Variants in AKAP19 observed in about 807,000 individuals in gnomAD.
AKAP19 encodes the protein A-kinase anchoring protein 19, also known as small A-kinase anchoring protein.
chr2:189,944,146 A>G, the AKAP19 span, among the ~76,000 whole-genome samples: 7 of 152,106 alleles, frequency 4.6e-5, no homozygotes, highest in African/African-American at 1.2e-4. Flanking sequence ...TATAGTTTAG[A>G]TATTTGTCCA....
the AKAP19 span, among the ~76,000 whole-genome samples, chr2:189,988,837 A>C: frequency 2.6e-5 from 4 of 152,166 alleles, no homozygotes; most frequent in African/African-American, 9.7e-5. Flanking sequence ...ATTTCTCTCT[A>C]TTGGACAGAA....
chr2:190,141,546 G>C, the AKAP19 span, among the ~76,000 whole-genome samples: 1 of 152,154 alleles, frequency 6.6e-6, no homozygotes, highest in African/African-American at 2.4e-5. Flanking sequence ...GCTGAGCAAA[G>C]AGGGAAAAGC....
chr2:189,890,883 G>A, the AKAP19 span, among the ~76,000 whole-genome samples: 1 of 152,126 alleles, frequency 6.6e-6, no homozygotes, highest in African/African-American at 2.4e-5. Flanking sequence ...TTGCCAATCT[G>A]TGTCTTTTAA....
the AKAP19 span, among the ~76,000 whole-genome samples, chr2:189,994,523 AT>A: frequency 6.6e-6 from 1 of 151,938 alleles, no homozygotes; most frequent in African/African-American, 2.4e-5. Context: ...GTTCAAAAGA[AT>A]TTTTTAACTT....
the AKAP19 span, chr2:190,089,738 G>C: frequency 1.3e-5 from 2 of 152,128 alleles, no homozygotes; most frequent in Non-Finnish European, 2.9e-5. Flanking sequence ...TCAGCAAAGT[G>C]TTACTCCCGA....
At chr2:190,098,621 G>A in the AKAP19 span, among the ~76,000 whole-genome samples, 1 of 152,124 alleles carries the variant, frequency 6.6e-6, no homozygotes, top group South Asian at 2.1e-4. Flanking sequence ...TCAACTTAAA[G>A]TCATCAGCTG....
the AKAP19 span, chr2:190,062,864 A>G: frequency 2.5e-6 from 1 of 396,726 alleles, no homozygotes; most frequent in East Asian, 4.5e-5. Context: ...CAAGTCACCA[A>G]GCAGTATTTT....
the AKAP19 span, among the ~76,000 whole-genome samples, chr2:190,024,302 GTA>G: frequency 1.8e-4 from 27 of 147,478 alleles, no homozygotes; most frequent in African/African-American, 2.7e-4. Context: ...TGCAGAACCA[GTA>G]TATATATATA....
chr2:189,950,334 G>GTTTTTTTTTTTTTTTTTTTT, the AKAP19 span, among the ~76,000 whole-genome samples: 2 of 137,544 alleles, frequency 1.5e-5, no homozygotes, highest in Non-Finnish European at 1.5e-5. Flanking sequence ...AGCCTTTTTT[G>GTTTTTTTTTTTTTTTTTTTT]TTTTTTTTTT....
chr2:190,114,382 T>G, the AKAP19 span, among the ~76,000 whole-genome samples: 1 of 152,258 alleles, frequency 6.6e-6, no homozygotes, highest in African/African-American at 2.4e-5. Flanking sequence ...GGATGTATAA[T>G]ACATTTTCTG....
At chr2:190,010,141 A>G in the AKAP19 span, among the ~76,000 whole-genome samples, 1 of 152,246 alleles carries the variant, frequency 6.6e-6, no homozygotes, top group Non-Finnish European at 1.5e-5. Context: ...GATAGGAAAG[A>G]CAAGGGAGTA....
At chr2:190,131,447 A>C in the AKAP19 span, among the ~76,000 whole-genome samples, 1 of 152,282 alleles carries the variant, frequency 6.6e-6, no homozygotes, top group East Asian at 1.9e-4. Flanking sequence ...TGGAGGTTGA[A>C]GTGGCTTGAG....
the AKAP19 span, among the ~76,000 whole-genome samples, chr2:190,118,292 G>A: frequency 6.6e-6 from 1 of 152,170 alleles, no homozygotes; most frequent in Non-Finnish European, 1.5e-5. Flanking sequence ...AGAGGTACAA[G>A]GAGGAGCTGG....
the AKAP19 span, among the ~76,000 whole-genome samples, chr2:190,097,224 C>A: frequency 2.0e-5 from 3 of 152,126 alleles, no homozygotes; most frequent in Admixed American, 6.5e-5. Context: ...TCTCCCTCCC[C>A]CTAACCCCTA....
At chr2:189,966,358 C>T in the AKAP19 span, among the ~76,000 whole-genome samples, 8 of 151,998 alleles carry the variant, frequency 5.3e-5, no homozygotes, top group South Asian at 2.1e-4. Flanking sequence ...CAATTAGTGC[C>T]GATAGACTTG....
At chr2:190,084,894 C>A in the AKAP19 span, among the ~76,000 whole-genome samples, 4 of 152,318 alleles carry the variant, frequency 2.6e-5, no homozygotes, top group African/African-American at 9.6e-5. Flanking sequence ...CCTCTGGTGG[C>A]CTCCTGTTGG....
chr2:189,951,892 A>G, the AKAP19 span, among the ~76,000 whole-genome samples: 2 of 152,218 alleles, frequency 1.3e-5, no homozygotes, highest in African/African-American at 4.8e-5. Flanking sequence ...CAGGTTATAA[A>G]ATTTCCCATG....
the AKAP19 span, among the ~76,000 whole-genome samples, chr2:190,176,390 C>T: frequency 9.2e-5 from 14 of 152,140 alleles, no homozygotes; most frequent in East Asian, 9.6e-4. The surrounding 1 kb of genome is among the most constrained non-coding windows in gnomAD (Gnocchi z 4.7). Context: ...CACTGTCACC[C>T]GGGCTGGAGT....
chr2:190,010,414 T>C, the AKAP19 span, among the ~76,000 whole-genome samples: 506 of 152,264 alleles, frequency 3.3e-3, 12 homozygotes, highest in Non-Finnish European at 1.2e-3. Flanking sequence ...TAGTCATCAA[T>C]GGGAGCAGAA....
Sources: allele counts gnomAD v4.1 joint callset (sites outside exome capture counted in the v4.1 genomes callset), GRCh38; gene constraint gnomAD v4.1.1; non-coding constraint Gnocchi (gnomAD v3.1); transcripts MANE v1.5; gene names NCBI Gene and HGNC (gene_info 2026-07-23, HGNC 2026-07-21).